The following MICAL2 variants were observed in gnomAD, a reference collection of about 807,000 sequenced individuals.
MICAL2 encodes [F-actin]-monooxygenase MICAL2.
In MICAL2, 77 loss-of-function variants were observed where a neutral mutation model predicts 127.3. The observed-to-expected ratio is 0.60, with a 90% CI of 0.50 to 0.73. The LOEUF (loss-of-function observed/expected upper bound fraction) is 0.73. Ranked by LOEUF, MICAL2 falls within the 30% of genes least tolerant of loss-of-function variation. The pLI, the probability that MICAL2 is intolerant of heterozygous loss-of-function variation, is 0.00. For synonymous variants in MICAL2, 570 were observed against 551.1 expected (o/e 1.03, Z -0.48); for missense variants, 1,351 against 1,434.4 (o/e 0.94, Z 0.94).
chr11:12,301,357 T>C (rs1283739176), intron 29 of MICAL2, among the ~76,000 whole-genome samples: 1 of 152,244 alleles, frequency 6.6e-6, no homozygotes, highest in Non-Finnish European at 1.5e-5. Flanking sequence ...TGCTCCATTT[T>C]ATTCCATTGT....
intron 17 of MICAL2, among the ~76,000 whole-genome samples, chr11:12,240,265 C>T (rs963901687): frequency 2.4e-4 from 36 of 152,232 alleles, no homozygotes; most frequent in African/African-American, 8.2e-4. Flanking sequence ...ACTCCGGCTC[C>T]GAGGTCTGTG....
At chr11:12,204,531 A>G (rs1348495877) in intron 4 of MICAL2, 74 bp downstream of exon 4, 1 of 1,442,676 alleles carries the variant, frequency 6.9e-7, no homozygotes, top group Non-Finnish European at 9.6e-7. Context: ...CTCCAGGTCT[A>G]GGAGTCCCCA....
intron 2 of MICAL2, among the ~76,000 whole-genome samples, chr11:12,144,146 T>TG (rs1852642007): frequency 6.6e-6 from 1 of 152,214 alleles, no homozygotes; most frequent in Non-Finnish European, 1.5e-5. Context: ...TTCTTGGTCT[T>TG]GTATCAACAG....
At chr11:12,208,219 T>G in intron 5 of MICAL2, 80 bp downstream of exon 5, 2 of 1,158,072 alleles carry the variant, frequency 1.7e-6, no homozygotes, top group Non-Finnish European at 2.6e-6. Flanking sequence ...CAAAGGGTGT[T>G]TCTGTAGGAG....
chr11:12,340,129 C>T (rs1013480521), intron 32 of MICAL2, among the ~76,000 whole-genome samples: 17 of 152,094 alleles, frequency 1.1e-4, no homozygotes, highest in Admixed American at 2.6e-4. Context: ...CAGATACAGA[C>T]GGTCAACTGT....
intron 2 of MICAL2, among the ~76,000 whole-genome samples, chr11:12,161,002 C>G (rs1164879115): frequency 2.6e-5 from 4 of 152,216 alleles, no homozygotes; most frequent in South Asian, 2.1e-4. Flanking sequence ...GGCCTGCGCT[C>G]TGTGTGCTGC....
chr11:12,259,881 GGAAGGCA>G lies in MICAL2; in HGVS notation c.3320_3326del (p.Glu1107AlafsTer22), dbSNP rs780651198. On this transcript the variant is annotated frameshift_variant, in exon 26 of 28. Coordinates refer to ENST00000683283, the MANE Select transcript of MICAL2 (RefSeq NM_001282663.2). LOFTEE classifies it high-confidence loss of function. ...GCGCAGTGGCCGCCATTGGCACCCT[GGAAGGCA>G]GCCCCCCAGGTATCTCCACCTCCTT... is the stretch of plus-strand genomic sequence containing the variant. 10 of 1,612,570 alleles carry G rather than the reference GGAAGGCA, an allele frequency of 6.2e-6. No individual in the cohort carries two copies. Among genetic ancestry groups the G allele is most frequent in the Non-Finnish European group, 8.5e-6 (10 of 1,179,046 alleles).
At position 12,242,386 on chromosome 11, in the gene MICAL2, C is replaced by T; in HGVS notation, c.2510C>T (p.Ser837Phe). ...PSTRPRAQALSGVLWRLQQVE... is the reference protein window; with the variant it reads ...PSTRPRAQALFGVLWRLQQVE... ...ACCCGCCCGAGGGCGCAGGCTCTTTCCGGGGTGCTGTGGCGGCTGCAGCAA... is the reference window on the plus strand; with the variant it reads ...ACCCGCCCGAGGGCGCAGGCTCTTTTCGGGGTGCTGTGGCGGCTGCAGCAA... The change falls in exon 19 of 28, where the codon TCC becomes TTC. Residue 837 changes from serine to phenylalanine, a missense_variant. By Grantham distance (155) the Ser-to-Phe change is radical. Coordinates refer to ENST00000683283, the MANE Select transcript of MICAL2 (RefSeq NM_001282663.2). The T allele has an allele frequency of 1.2e-6, 2 of 1,613,068 alleles. No homozygotes were observed. Among genetic ancestry groups the T allele is most frequent in the Non-Finnish European group, 1.7e-6 (2 of 1,179,268 alleles).
intron 8 of MICAL2, among the ~76,000 whole-genome samples, chr11:12,218,305 T>C (rs1323829874): frequency 1.3e-5 from 2 of 152,174 alleles, no homozygotes; most frequent in Non-Finnish European, 2.9e-5. Flanking sequence ...TGGGCTGGGA[T>C]TCTGTCCTCC....
intron 3 of MICAL2, among the ~76,000 whole-genome samples, chr11:12,198,958 G>A (rs1482644954): frequency 6.6e-6 from 1 of 152,214 alleles, no homozygotes; most frequent in East Asian, 1.9e-4. Flanking sequence ...GGAGGCCACA[G>A]TGTGCTCAAT....
chr11:12,172,020 T>A lies in MICAL2; in HGVS notation c.264+9601T>A, dbSNP rs545867131. 4.6e-5 allele frequency among the ~76,000 whole-genome samples: 7 copies of A among 152,194 alleles called. No homozygotes were observed. In the South Asian group the frequency reaches 1.4e-3, roughly 31 times the overall value. On this transcript the variant is annotated intron_variant, in intron 3 of 27. Transcript: ENST00000683283. ...CATCTCAGTTAAGTCTAGCCACACA[T>A]CAAGTGCTTACTAGCCACATGTGGC...
At chr11:12,255,011 C>G (rs1181369930) in intron 22 of MICAL2, 1 of 151,150 alleles carries the variant, frequency 6.6e-6, no homozygotes, top group Non-Finnish European at 1.5e-5. Context: ...CTCTGCCTCC[C>G]AGGTTCAAGT....
chr11:12,192,644 G>C (rs1859349810), intron 3 of MICAL2, among the ~76,000 whole-genome samples: 2 of 152,140 alleles, frequency 1.3e-5, no homozygotes, highest in African/African-American at 4.8e-5. Flanking sequence ...CAGGTGCGAT[G>C]ATGGGTACCT....
chr11:12,338,960 T>C (rs558527395), intron 32 of MICAL2, among the ~76,000 whole-genome samples: 21 of 152,336 alleles, frequency 1.4e-4, no homozygotes, highest in Admixed American at 1.1e-3. Flanking sequence ...GAGGAGTATC[T>C]TTGCGGCATT....
chr11:12,175,540 G>C (rs1159306244), intron 3 of MICAL2, among the ~76,000 whole-genome samples: 8 of 151,628 alleles, frequency 5.3e-5, no homozygotes, highest in Non-Finnish European at 1.2e-4. Flanking sequence ...TTATCAGTGA[G>C]AGAGAGAGAG....
At chr11:12,113,608 T>C (rs183417708) in intron 1 of MICAL2, among the ~76,000 whole-genome samples, 149 of 152,360 alleles carry the variant, frequency 9.8e-4, no homozygotes, top group Non-Finnish European at 1.8e-3. Context: ...TCTGAAAATA[T>C]TATAGTATTT....
intron 1 of MICAL2, among the ~76,000 whole-genome samples, chr11:12,117,298 G>T (rs1182371472): frequency 6.6e-6 from 1 of 152,234 alleles, no homozygotes; most frequent in African/African-American, 2.4e-5. Flanking sequence ...CACTGCAACA[G>T]CAGGTTTCTG....
At chr11:12,359,027 C>T (rs537889177), downstream of MICAL2, 1 of 152,776 alleles carries the variant, frequency 6.5e-6, no homozygotes, top group South Asian at 2.1e-4. Flanking sequence ...ACTCATATAG[C>T]AGGTGTTAAT....
chr11:12,360,530 T>C (rs1231295871), downstream of MICAL2, among the ~76,000 whole-genome samples: 1 of 152,226 alleles, frequency 6.6e-6, no homozygotes, highest in Admixed American at 6.5e-5. Context: ...CAGGCCCCAG[T>C]CTTTTCTGTC....
Sources: allele counts gnomAD v4.1 joint callset (sites outside exome capture counted in the v4.1 genomes callset), GRCh38; gene constraint gnomAD v4.1.1; transcripts MANE v1.5; gene names NCBI Gene and HGNC (gene_info 2026-07-23, HGNC 2026-07-21).